Variants in WDR3 observed in about 807,000 individuals in gnomAD.
WDR3 encodes WD repeat domain 3.
Under a neutral mutation model 123.7 loss-of-function variants are expected in WDR3, and 81 were observed. The observed-to-expected ratio is 0.65, with a 90% CI of 0.55 to 0.79. The LOEUF (loss-of-function observed/expected upper bound fraction) is 0.79. Ranked by LOEUF, WDR3 falls within the 30% of genes least tolerant of loss-of-function variation. The pLI, the probability that WDR3 is intolerant of heterozygous loss-of-function variation, is 0.00. For synonymous variants in WDR3, 390 were observed against 388.8 expected (o/e 1.00, Z -0.04); for missense variants, 1,027 against 1,123.2 (o/e 0.91, Z 1.22).
intron 24 of WDR3, among the ~76,000 whole-genome samples, chr1:117,955,637 A>G (rs771742604): frequency 6.6e-6 from 1 of 151,992 alleles, no homozygotes; most frequent in African/African-American, 2.4e-5. Flanking sequence ...AGAAGCACCA[A>G]TTGTTAATTT....
intron 22 of WDR3, 57 bp from the exon 23 acceptor site, chr1:117,954,523 C>A: frequency 6.6e-7 from 1 of 1,518,326 alleles, no homozygotes; most frequent in Non-Finnish European, 9.1e-7. Context: ...CTGTCTATAA[C>A]AAGTGCTACC....
Position 117,966,003 on chromosome 1 carries a change from CA to C in WDR3, c.*6559del, listed in dbSNP as rs1557842286. Reference sequence around the variant, plus strand: ...ATTCTATAAGATCCAGCTCAAAAATCAAATAAATAGAGAACTGTAACACAAG... The same window carrying C: ...ATTCTATAAGATCCAGCTCAAAAATCAATAAATAGAGAACTGTAACACAAG... On this transcript the variant is annotated 3_prime_UTR_variant, in exon 27 of 27. Transcript: ENST00000349139. 2 of 152,116 alleles carry C rather than the reference CA, an allele frequency of 1.3e-5. No homozygotes were observed. Among genetic ancestry groups the C allele is most frequent in the Non-Finnish European group, 2.9e-5 (2 of 68,024 alleles). 9.4% of individuals were successfully genotyped at this position (152,116 alleles called of 1,614,324 possible). A position where few individuals can be genotyped will look rare whatever the true frequency, so the allele number is the denominator to read the frequency against.
In WDR3 at chr1:117,934,481, C is replaced by T. The variant is rs745944360; in HGVS notation, c.180C>T (p.Ile60=). ...WDLRKGEKIL[I]LQGLKQEVTC... ...AATTTTTATGATTTCAGATTCTTATCCTTCAGGGGCTTAAACAAGAAGTTA... is the reference window on the plus strand; with the variant it reads ...AATTTTTATGATTTCAGATTCTTATTCTTCAGGGGCTTAAACAAGAAGTTA... The change falls in exon 3 of 27, where the codon ATC becomes ATT. Residue 60 remains isoleucine, a synonymous_variant. Transcript: ENST00000349139. The T allele has an allele frequency of 4.3e-6, 7 of 1,613,742 alleles. No homozygotes were observed. The Admixed American group carries it at 1.0e-4, about 23-fold the overall frequency.
chr1:117,936,466 G>A (rs1200767285), intron 3 of WDR3, among the ~76,000 whole-genome samples: 1 of 151,978 alleles, frequency 6.6e-6, no homozygotes, highest in South Asian at 2.1e-4. Context: ...TGGAAGAAAT[G>A]GAAATAATAT....
At chr1:117,959,183 G>A (rs2101324208) in intron 26 of WDR3, 109 bp from the exon 27 acceptor site, 15 of 1,415,632 alleles carry the variant, frequency 1.1e-5, no homozygotes, top group Non-Finnish European at 1.4e-5. Flanking sequence ...CTTAATGAGG[G>A]AAAGATAAGT....
Position 117,936,759 on chromosome 1 carries a change from A to G in WDR3, c.382-10A>G, listed in dbSNP as rs753949520. ...AATTATTTTTCATCTGTATTATTTG[A>G]TCCCTTTAGGACACAGATATTATTG... On this transcript the variant is annotated splice_polypyrimidine_tract_variant and intron_variant, in intron 3 of 26. Transcript: ENST00000349139. The G allele has an allele frequency of 6.3e-7, 1 of 1,585,020 alleles. No homozygotes were observed. Among genetic ancestry groups the G allele is most frequent in the South Asian group, 1.1e-5 (1 of 87,124 alleles).
intron 9 of WDR3, 81 bp downstream of exon 9, chr1:117,941,928 A>G: frequency 6.8e-7 from 1 of 1,471,370 alleles, no homozygotes; most frequent in Non-Finnish European, 8.9e-7. Flanking sequence ...GGCTTCTTTC[A>G]TATTTACTGT....
chr1:117,941,095 A>C, intron 7 of WDR3, 29 bp from the exon 8 acceptor site: 1 of 1,611,936 alleles, frequency 6.2e-7, no homozygotes, highest in Non-Finnish European at 8.5e-7. Context: ...CTTACATCTA[A>C]CCTTCATCTG....
At chr1:117,939,643 G>A (rs539123602) in intron 6 of WDR3, 71 bp downstream of exon 6, 3 of 1,455,328 alleles carry the variant, frequency 2.1e-6, no homozygotes, top group East Asian at 2.3e-5. Context: ...AGAATCAGAT[G>A]TAATTATTCA....
At position 117,963,868 on chromosome 1, in the gene WDR3, G is replaced by A; in HGVS notation, c.*4421G>A. On this transcript the variant is annotated 3_prime_UTR_variant, in exon 27 of 27. Coordinates refer to ENST00000349139, the MANE Select transcript of WDR3 (RefSeq NM_006784.3). ...AGGAATAAATTGTAGAAGTTCTCTG[G>A]ACCATTGGATTTTCTTTTCCCTGGG... The A allele has an allele frequency of 1.9e-6, 3 of 1,613,854 alleles. No homozygotes were observed. Among genetic ancestry groups the A allele is most frequent in the Non-Finnish European group, 2.5e-6 (3 of 1,179,784 alleles).
intron 24 of WDR3, among the ~76,000 whole-genome samples, chr1:117,956,307 A>T (rs1052399003): frequency 3.3e-5 from 5 of 152,180 alleles, no homozygotes; most frequent in Non-Finnish European, 7.4e-5. Context: ...ACATTTTTGC[A>T]ATAATTGTTA....
intron 9 of WDR3, 64 bp from the exon 10 acceptor site, chr1:117,942,373 C>G: frequency 2.1e-6 from 3 of 1,446,250 alleles, no homozygotes; most frequent in Non-Finnish European, 2.9e-6. Flanking sequence ...ATTTTGAACT[C>G]AAGTAAGAGC....
Position 117,963,845 on chromosome 1 carries a change from G to C in WDR3, c.*4398G>C. On this transcript the variant is annotated 3_prime_UTR_variant, in exon 27 of 27. Coordinates refer to ENST00000349139, the MANE Select transcript of WDR3 (RefSeq NM_006784.3). ...AGACATGAAGACTCCAAGTGTGGAGGAATAAATTGTAGAAGTTCTCTGGAC... is the reference window on the plus strand; with the variant it reads ...AGACATGAAGACTCCAAGTGTGGAGCAATAAATTGTAGAAGTTCTCTGGAC... 1.2e-6 allele frequency: 2 copies of C among 1,613,728 alleles called. No homozygotes were observed. Among genetic ancestry groups the C allele is most frequent in the Non-Finnish European group, 1.7e-6 (2 of 1,179,690 alleles).
At chr1:117,948,591 G>GTTT in intron 13 of WDR3, 85 bp downstream of exon 13, 9 of 806,634 alleles carry the variant, frequency 1.1e-5, no homozygotes, top group Non-Finnish European at 1.2e-5. Flanking sequence ...GAAAGCCTGA[G>GTTT]GTTTTTTTTT....
At position 117,943,531 on chromosome 1, in the gene WDR3, T is replaced by A. The variant is rs896840836; in HGVS notation, c.1233T>A (p.Ile411=). The A allele has an allele frequency of 3.7e-6, 6 of 1,614,138 alleles. No individual in the cohort carries two copies. The Admixed American group carries it at 1.0e-4, about 27-fold the overall frequency. ...CTGTCAGGACAAGCAGAATCACTAT[T>A]GGGGGTCATCGCAGTGATGTGCGGA... ...PQPVRTSRIT[I]GGHRSDVRTL... Residue 411 remains isoleucine, a synonymous_variant, in exon 11 of 27, where the codon ATT becomes ATA. Coordinates refer to ENST00000349139, the MANE Select transcript of WDR3 (RefSeq NM_006784.3).
At chr1:117,947,400 C>A (rs1261365562) in intron 12 of WDR3, among the ~76,000 whole-genome samples, 2 of 152,116 alleles carry the variant, frequency 1.3e-5, no homozygotes, top group African/African-American at 4.8e-5. Flanking sequence ...ATATTTCTTG[C>A]TTCAACAAAA....
chr1:117,949,552 C>T (rs371931859), intron 13 of WDR3, among the ~76,000 whole-genome samples, 199 bp from the exon 14 acceptor site: 11 of 151,974 alleles, frequency 7.2e-5, no homozygotes, highest in African/African-American at 2.7e-4. Flanking sequence ...CTATGTTAGT[C>T]GATGGTAGGA....
intron 19 of WDR3, 116 bp downstream of exon 19, chr1:117,952,778 C>A: frequency 6.8e-7 from 1 of 1,464,288 alleles, no homozygotes; most frequent in Non-Finnish European, 9.3e-7. Flanking sequence ...CAAGAACCTT[C>A]AGGAGATCTT....
intron 9 of WDR3, 123 bp from the exon 10 acceptor site, chr1:117,942,314 G>A: frequency 1.3e-6 from 1 of 745,292 alleles, no homozygotes; most frequent in Non-Finnish European, 2.3e-6. Flanking sequence ...AATCCTGTGT[G>A]GTTAAGTGAC....
Sources: allele counts gnomAD v4.1 joint callset (sites outside exome capture counted in the v4.1 genomes callset), GRCh38; gene constraint gnomAD v4.1.1; transcripts MANE v1.5; gene names NCBI Gene and HGNC (gene_info 2026-07-23, HGNC 2026-07-21).